Variants in MARCHF1 observed in about 807,000 individuals in gnomAD.
MARCHF1 encodes the protein membrane associated ring-CH-type finger 1.
In MARCHF1, 40 loss-of-function variants were observed where a neutral mutation model predicts 54.2. The ratio of observed to expected loss-of-function variants is 0.74; its 90% CI spans 0.57 to 0.96. MARCHF1 has a LOEUF of 0.96. Ranked by LOEUF, MARCHF1 falls within the 40% of genes least tolerant of loss-of-function variation. MARCHF1 has a pLI of 0.00. For synonymous variants in MARCHF1, 236 were observed against 236.3 expected, an observed-to-expected ratio of 1.00 and a Z score of 0.01; for missense variants, 586 against 656.5, an observed-to-expected ratio of 0.89 and a Z score of 1.17.
At chr4:163,956,968 T>C (rs970162757) in intron 3 of MARCHF1, among the ~76,000 whole-genome samples, 1 of 152,064 alleles carries the variant, frequency 6.6e-6, no homozygotes, top group Non-Finnish European at 1.5e-5. Context: ...ATAGCTATAT[T>C]ATTAGAATCT....
At position 163,927,504 on chromosome 4, in the gene MARCHF1, G is replaced by C. The variant is rs189309939; in HGVS notation, c.-39+60997C>G. 2.6e-3 allele frequency among the ~76,000 whole-genome samples: 389 copies of C among 151,844 alleles called. 8 individuals are homozygous for C. The highest frequency in any genetic ancestry group is 0.023 in the Admixed American group (356 of 15,210). On this transcript the variant is annotated intron_variant, in intron 3 of 9. Transcript: ENST00000514618. ...AGTTATGAAAATTTTAAGTCATAGA[G>C]GTGCTGCCGTTATATTTTCAGTGCA...
intron 1 of MARCHF1, among the ~76,000 whole-genome samples, chr4:164,257,334 C>G (rs1733317037): frequency 6.6e-6 from 1 of 151,652 alleles, no homozygotes; most frequent in Non-Finnish European, 1.5e-5. Flanking sequence ...TCTTGTTTCT[C>G]TTATGAATAC....
rs1282857902 is a variant in MARCHF1, at chr4:163,527,384, G to T, written c.*1364C>A. On this transcript the variant is annotated 3_prime_UTR_variant, in exon 10 of 10. Transcript: ENST00000514618. ...TCTTAGTCATAATTACTCATCATCT[G>T]TCAAGTTGACACCTCATATGGATGA... 1.3e-5 allele frequency: 2 copies of T among 152,048 alleles called. No individual in the cohort carries two copies. The highest frequency in any genetic ancestry group is 6.6e-5 in the Admixed American group (1 of 15,238). The allele number at this position is 152,048 out of a possible 1,614,324, so 9.4% of individuals were successfully genotyped here.
chr4:164,031,460 C>T (rs1243480143), intron 2 of MARCHF1, among the ~76,000 whole-genome samples: 2 of 151,164 alleles, frequency 1.3e-5, no homozygotes, highest in South Asian at 4.2e-4. Context: ...ATGATATTGG[C>T]TGTAGGTTTT....
At chr4:163,612,218 T>C in intron 7 of MARCHF1, 53 bp downstream of exon 7, 1 of 1,406,664 alleles carries the variant, frequency 7.1e-7, no homozygotes, top group Non-Finnish European at 9.2e-7. Context: ...CCTAACTCAC[T>C]GCAAAAAGAA....
At chr4:163,900,550 C>A (rs781414433) in intron 3 of MARCHF1, among the ~76,000 whole-genome samples, 6 of 152,100 alleles carry the variant, frequency 3.9e-5, no homozygotes, top group Non-Finnish European at 5.9e-5. Flanking sequence ...AAAGATATTT[C>A]TTCAATCCAG....
At chr4:164,133,144 G>C (rs1028885507) in intron 1 of MARCHF1, among the ~76,000 whole-genome samples, 2 of 152,156 alleles carry the variant, frequency 1.3e-5, no homozygotes, top group African/African-American at 4.8e-5. Flanking sequence ...ACAAAATGTG[G>C]CTCAGTCTCT....
At chr4:164,341,648 G>A (rs953061147) in intron 1 of MARCHF1, among the ~76,000 whole-genome samples, 1 of 152,176 alleles carries the variant, frequency 6.6e-6, no homozygotes. Context: ...ATCATGTGGT[G>A]GAAGGGGTGA....
intron 2 of MARCHF1, among the ~76,000 whole-genome samples, chr4:164,010,046 A>C (rs1345090996): frequency 6.8e-6 from 1 of 146,984 alleles, no homozygotes; most frequent in Non-Finnish European, 1.5e-5. Flanking sequence ...AAACCTAAAG[A>C]CTCCATCAAA....
At chr4:164,139,321 G>A (rs558393125) in intron 1 of MARCHF1, among the ~76,000 whole-genome samples, 43 of 152,232 alleles carry the variant, frequency 2.8e-4, no homozygotes, top group African/African-American at 9.6e-4. Flanking sequence ...CCAAACTTAA[G>A]TAGAAAGCAC....
intron 9 of MARCHF1, among the ~76,000 whole-genome samples, chr4:163,535,659 CTAAGT>C (rs1738503048): frequency 6.6e-6 from 1 of 151,976 alleles, no homozygotes; most frequent in South Asian, 2.1e-4. Context: ...TTCCTGTATG[CTAAGT>C]AACACAGTGG....
intron 4 of MARCHF1, among the ~76,000 whole-genome samples, chr4:163,763,747 G>A (rs1746897379): frequency 6.6e-6 from 1 of 152,046 alleles, no homozygotes; most frequent in South Asian, 2.1e-4. Flanking sequence ...AACTCTGATA[G>A]CTCTGCTTTC....
chr4:164,007,646 CTGTGTGTGTGTGTGTG>C (rs70948688), intron 2 of MARCHF1, among the ~76,000 whole-genome samples: 16 of 140,014 alleles, frequency 1.1e-4, no homozygotes, highest in Middle Eastern at 3.6e-3. Flanking sequence ...CTCTCTCTCT[CTGTGTGTGTGTGTGTG>C]TGTGTGTGTG....
chr4:163,950,224 G>T (rs1752106916), intron 3 of MARCHF1, among the ~76,000 whole-genome samples: 1 of 152,190 alleles, frequency 6.6e-6, no homozygotes, highest in Non-Finnish European at 1.5e-5. Flanking sequence ...GCTGAGGGGT[G>T]CCTGCAGGCT....
intron 4 of MARCHF1, among the ~76,000 whole-genome samples, chr4:163,751,641 T>C (rs1746524881): frequency 6.6e-6 from 1 of 152,030 alleles, no homozygotes; most frequent in South Asian, 2.1e-4. Context: ...GAAAAAATTA[T>C]AAAAATGGAC....
chr4:163,724,371 C>G (rs752231450), intron 4 of MARCHF1, among the ~76,000 whole-genome samples: 55 of 152,260 alleles, frequency 3.6e-4, no homozygotes, highest in Non-Finnish European at 6.6e-4. Context: ...CCTCTGGAAG[C>G]TTCGTCTCAG....
At chr4:163,782,023 G>C (rs533437628) in intron 4 of MARCHF1, among the ~76,000 whole-genome samples, 5 of 152,200 alleles carry the variant, frequency 3.3e-5, no homozygotes, top group Admixed American at 6.5e-5. Context: ...CTGAGCTACT[G>C]TGTATAATAG....
At chr4:163,532,081 G>T (rs1738372432) in intron 9 of MARCHF1, among the ~76,000 whole-genome samples, 1 of 151,720 alleles carries the variant, frequency 6.6e-6, no homozygotes, top group Non-Finnish European at 1.5e-5. Flanking sequence ...TTATTTTATG[G>T]ATATTGACAA....
rs188329326 is a variant in MARCHF1 at position 163,633,199 on chromosome 4, C to G, written c.163-19806G>C. On this transcript the variant is annotated intron_variant, in intron 5 of 9. Coordinates refer to ENST00000514618, the MANE Select transcript of MARCHF1 (RefSeq NM_001394959.1). The stretch of plus-strand genomic sequence containing the variant: ...TAAAAATCAGAGCGCCTCTCCTCCT[C>G]CAACGGAACTCAGCTCCTCACCAGC... Among the ~76,000 whole-genome samples the G allele has an allele frequency of 3.1e-3, 474 of 152,326 alleles. 1 individual carries two copies. The highest frequency in any genetic ancestry group is 0.01 in the African/African-American group (422 of 41,562).
Sources: allele counts gnomAD v4.1 joint callset (sites outside exome capture counted in the v4.1 genomes callset), GRCh38; gene constraint gnomAD v4.1.1; transcripts MANE v1.5; gene names NCBI Gene and HGNC (gene_info 2026-07-23, HGNC 2026-07-21).